DCAF5: variants seen among roughly 807,000 people sequenced by gnomAD.
DCAF5 encodes the protein DDB1 and CUL4 associated factor 5.
DCAF5 carries 9 observed loss-of-function variants against 80.7 expected under a neutral mutation model. The ratio of observed to expected loss-of-function variants is 0.11; its 90% CI spans 0.07 to 0.19. The LOEUF is 0.19. DCAF5 is among the 10% of genes least tolerant of loss of function. The pLI is 1.00. For synonymous variants in DCAF5, 433 were observed against 461.9 expected, an observed-to-expected ratio of 0.94 and a Z score of 0.80; for missense variants, 842 against 1,205.7, an observed-to-expected ratio of 0.70 and a Z score of 4.47.
chr14:69,137,501 G>A (rs564688854), intron 1 of DCAF5, among the ~76,000 whole-genome samples: 65 of 152,102 alleles, frequency 4.3e-4, no homozygotes, highest in Middle Eastern at 3.4e-3. Context: ...AAAATTCCTT[G>A]TATACACAAA....
chr14:69,097,582 A>ATT (rs755644268), intron 5 of DCAF5, among the ~76,000 whole-genome samples: 6 of 125,292 alleles, frequency 4.8e-5, no homozygotes, highest in African/African-American at 9.0e-5. Flanking sequence ...TATTATTATT[A>ATT]TTTTTTTTTT....
chr14:69,117,412 C>T (rs971628083), intron 4 of DCAF5, among the ~76,000 whole-genome samples: 4 of 152,150 alleles, frequency 2.6e-5, no homozygotes, highest in African/African-American at 9.7e-5. Context: ...TTAAAAGACC[C>T]AGATCCTGCC....
chr14:69,139,158 G>A (rs2041281040), intron 1 of DCAF5, among the ~76,000 whole-genome samples: 1 of 151,606 alleles, frequency 6.6e-6, no homozygotes, highest in Non-Finnish European at 1.5e-5. Context: ...CTCAAAAAAG[G>A]AAAGAAACAG....
intron 5 of DCAF5, among the ~76,000 whole-genome samples, chr14:69,103,952 A>G (rs2040048480): frequency 6.6e-6 from 1 of 152,184 alleles, no homozygotes; most frequent in Non-Finnish European, 1.5e-5. Context: ...GTTCCTTTTC[A>G]TCACTGAGTA....
chr14:69,087,449 GA>G (rs1360384711), intron 6 of DCAF5, among the ~76,000 whole-genome samples: 1 of 152,318 alleles, frequency 6.6e-6, no homozygotes, highest in South Asian at 2.1e-4. Context: ...TGCAAGACTA[GA>G]AGGTAGGCTT....
rs1363252998 is a variant in DCAF5 at position 69,091,844 on chromosome 14, T to C, written c.709A>G (p.Met237Val). The C allele has an allele frequency of 6.2e-7, 1 of 1,614,018 alleles. No individual in the cohort carries two copies. The highest frequency in any genetic ancestry group is 8.5e-7 in the Non-Finnish European group (1 of 1,179,986). The change falls in exon 6 of 9, where the codon ATG becomes GTG. Residue 237 changes from methionine (M) to valine (V), a missense_variant. Transcript: ENST00000341516. ...YGGNLSLQSA[M>V]SVRFNSNGTQ... ...CCGTTGCTGTTGAATCGTACACTCA[T>C]GGCACTTTGGAGGGACAGGTTTCCA... is the stretch of plus-strand genomic sequence containing the variant.
intron 5 of DCAF5, among the ~76,000 whole-genome samples, chr14:69,110,996 A>G (rs1037847307): frequency 2.6e-5 from 4 of 152,068 alleles, no homozygotes; most frequent in African/African-American, 9.7e-5. Context: ...GGTTTTAAGA[A>G]ATTTAAGAAA....
chr14:69,089,923 G>T, intron 6 of DCAF5: 1 of 985,176 alleles, frequency 1.0e-6, no homozygotes, highest in South Asian at 4.7e-5. Context: ...TGATAAGGAT[G>T]GGAAACCATG....
chr14:69,115,892 T>C (rs2040529246), intron 5 of DCAF5, among the ~76,000 whole-genome samples: 1 of 152,200 alleles, frequency 6.6e-6, no homozygotes, highest in African/African-American at 2.4e-5. Context: ...ATACAATATA[T>C]AATTTTCATA....
chr14:69,089,691 T>A (rs538191872), intron 6 of DCAF5: 1 of 153,552 alleles, frequency 6.5e-6, no homozygotes, highest in African/African-American at 2.4e-5. Flanking sequence ...CCCCAATGCA[T>A]CTGAGCAAAA....
chr14:69,054,775 A>G lies in DCAF5; in HGVS notation c.1911T>C (p.Thr637=). ...GGCTTGGTTGAATCTCTAGCGTGGA[A>G]GTGCTCCGCTCAGGGGACGAGGTTG... ...SSPTSSPERS[T]STLEIQPSRA... is the part of the protein sequence containing the mutation. The change falls in exon 9 of 9, where the codon ACT becomes ACC. Residue 637 remains threonine, a synonymous_variant. Coordinates refer to ENST00000341516, the MANE Select transcript of DCAF5 (RefSeq NM_003861.3). 2.5e-6 allele frequency: 4 copies of G among 1,614,202 alleles called. No homozygotes were observed. The highest frequency in any genetic ancestry group is 3.4e-6 in the Non-Finnish European group (4 of 1,180,030).
chr14:69,078,205 A>C lies in DCAF5; in HGVS notation c.880-2794T>G, dbSNP rs1414574052. ...AAGAAAAAACAACATGATTTTAAAA[A>C]TGGGCCAAGGACTTGAACAGACATT... On this transcript the variant is annotated intron_variant, in intron 6 of 8. Transcript: ENST00000341516. Among the ~76,000 whole-genome samples, 5 of 152,352 alleles carry C rather than the reference A, an allele frequency of 3.3e-5. No homozygotes were observed. The East Asian group carries it at 9.6e-4, about 29-fold the overall frequency.
At chr14:69,133,189 A>AAT (rs1466658703) in intron 1 of DCAF5, among the ~76,000 whole-genome samples, 1 of 152,168 alleles carries the variant, frequency 6.6e-6, no homozygotes, top group Non-Finnish European at 1.5e-5. Context: ...AAAGCTACAT[A>AAT]ATATGAAGGG....
intron 5 of DCAF5, among the ~76,000 whole-genome samples, chr14:69,112,034 A>G (rs2040385864): frequency 6.6e-6 from 1 of 152,228 alleles, no homozygotes; most frequent in African/African-American, 2.4e-5. Context: ...ATATGAGAAT[A>G]AAGGTCCGAC....
rs2140140320 is a variant in DCAF5, at chr14:69,153,076, T to C, written c.-98A>G. On this transcript the variant is annotated 5_prime_UTR_variant, in exon 1 of 9. Coordinates refer to ENST00000341516, the MANE Select transcript of DCAF5 (RefSeq NM_003861.3). The stretch of plus-strand genomic sequence containing the variant: ...ACCCGGCCCTCCCCCCGCGCTGCGA[T>C]CCGGATGGTTCTTTAACCAGCCATG... 2 of 965,114 alleles carry C rather than the reference T, an allele frequency of 2.1e-6. No homozygotes were observed. Among genetic ancestry groups the C allele is most frequent in the African/African-American group, 1.8e-5 (1 of 56,356 alleles). 59.8% of individuals were successfully genotyped at this position (965,114 alleles called of 1,614,324 possible). A position where few individuals can be genotyped will look rare whatever the true frequency, so the allele number is the denominator to read the frequency against.
chr14:69,122,394 A>G, intron 1 of DCAF5, 34 bp from the exon 2 acceptor site: 1 of 1,588,556 alleles, frequency 6.3e-7, no homozygotes, highest in African/African-American at 1.3e-5. Context: ...TGCTTAAAAC[A>G]GCTGACATCG....
At chr14:69,083,282 T>C (rs1190373037) in intron 6 of DCAF5, 3 of 153,776 alleles carry the variant, frequency 2.0e-5, no homozygotes, top group Non-Finnish European at 4.3e-5. Flanking sequence ...GCTTTTAGAG[T>C]TTCAAAAAGG....
At position 69,061,864 on chromosome 14, in the gene DCAF5, T is replaced by C. The variant is rs114769447; in HGVS notation, c.1074+520A>G. On this transcript the variant is annotated intron_variant, in intron 8 of 8. Coordinates refer to ENST00000341516, the MANE Select transcript of DCAF5 (RefSeq NM_003861.3). ...AAGCCTAGTGATTAGTTTAAAAAAA[T>C]GGTTCCAAGCCAGGTACAGTGGTGC... is the stretch of plus-strand genomic sequence containing the variant. 4.5e-3 allele frequency among the ~76,000 whole-genome samples: 688 copies of C among 152,222 alleles called. 7 individuals carry two copies. Among genetic ancestry groups the C allele is most frequent in the African/African-American group, 0.016 (667 of 41,518 alleles).
At chr14:69,071,244 T>C (rs1382084490) in intron 7 of DCAF5, among the ~76,000 whole-genome samples, 1 of 152,244 alleles carries the variant, frequency 6.6e-6, no homozygotes, top group Admixed American at 6.5e-5. Context: ...GGAAGTCCTA[T>C]TGGAAAGACT....
Sources: gnomAD v4.1 joint callset for allele counts (sites outside exome capture counted in the v4.1 genomes callset) on GRCh38, gnomAD v4.1.1 for gene constraint, MANE v1.5 for transcripts, NCBI Gene and HGNC (gene_info 2026-07-23, HGNC 2026-07-21) for gene names.